The following KCNIP4 variants were observed in gnomAD, a reference collection of about 807,000 sequenced individuals.
The protein encoded by KCNIP4 is Kv channel-interacting protein 4.
A neutral mutation model predicts 34.0 loss-of-function variants in KCNIP4; 12 were observed. The observed-to-expected ratio is 0.35, with a 90% confidence interval of 0.23 to 0.57. KCNIP4 has a LOEUF of 0.57. Ranked by LOEUF, KCNIP4 falls within the 20% of genes least tolerant of loss-of-function variation. The pLI is 0.83. For missense variants in KCNIP4, 238 were observed against 311.7 expected (o/e 0.76, Z 1.78); for synonymous variants, 124 against 102.2 (o/e 1.21, Z -1.29).
intron 5 of KCNIP4, among the ~76,000 whole-genome samples, chr4:20,747,651 T>G (rs1209915298): frequency 6.6e-6 from 1 of 152,082 alleles, no homozygotes; most frequent in Non-Finnish European, 1.5e-5. Context: ...CCTTCTCCAC[T>G]CTCAGCTTTT....
At chr4:21,473,405 T>C (rs977754231) in intron 1 of KCNIP4, among the ~76,000 whole-genome samples, 6 of 152,164 alleles carry the variant, frequency 3.9e-5, no homozygotes, top group African/African-American at 1.4e-4. Flanking sequence ...CAGCATAGGC[T>C]TTGTCCTTGC....
At chr4:21,858,002 C>T (rs1462994140) in intron 1 of KCNIP4, among the ~76,000 whole-genome samples, 2 of 152,210 alleles carry the variant, frequency 1.3e-5, no homozygotes, top group East Asian at 3.9e-4. Flanking sequence ...CAGCAGCAGC[C>T]TCACAGGGAG....
At chr4:21,757,219 GAAAGAAAGAAAGAAAGAAAGAAAGAAA>G (rs1717680330) in intron 1 of KCNIP4, among the ~76,000 whole-genome samples, 4 of 21,714 alleles carry the variant, frequency 1.8e-4, no homozygotes, top group African/African-American at 1.4e-3. Flanking sequence ...AAGAAAGAAA[GAAAGAAAGAAAGAAAGAAAGAAAGAAA>G]GAAAAGAAAA....
intron 1 of KCNIP4, among the ~76,000 whole-genome samples, chr4:21,463,640 C>T (rs1473708540): frequency 1.3e-5 from 2 of 151,982 alleles, no homozygotes; most frequent in African/African-American, 2.4e-5. Flanking sequence ...TTTGTGTCTA[C>T]ATTTATAAGA....
intron 1 of KCNIP4, among the ~76,000 whole-genome samples, chr4:21,597,147 T>G (rs1013606387): frequency 3.9e-5 from 6 of 152,066 alleles, no homozygotes; most frequent in Non-Finnish European, 7.4e-5. Flanking sequence ...AATTCTCACA[T>G]GTTGTGGGAG....
chr4:20,990,980 C>T (rs978592742), intron 1 of KCNIP4, among the ~76,000 whole-genome samples: 1 of 152,190 alleles, frequency 6.6e-6, no homozygotes, highest in Non-Finnish European at 1.5e-5. Flanking sequence ...CATAAACTGT[C>T]TCATTGAGTT....
intron 3 of KCNIP4, among the ~76,000 whole-genome samples, chr4:20,801,177 G>A (rs1040415804): frequency 5.3e-5 from 8 of 151,666 alleles, no homozygotes; most frequent in Non-Finnish European, 8.8e-5. Context: ...TGTTATACCC[G>A]GCAGAGCTAT....
intron 3 of KCNIP4, among the ~76,000 whole-genome samples, chr4:20,805,400 G>A (rs1015447231): frequency 2.0e-5 from 3 of 151,674 alleles, no homozygotes; most frequent in African/African-American, 7.3e-5. Context: ...ATTTTGCCAA[G>A]CTTTGTAACT....
intron 1 of KCNIP4, among the ~76,000 whole-genome samples, chr4:21,261,762 A>G (rs1432236792): frequency 1.3e-5 from 2 of 151,936 alleles, no homozygotes; most frequent in Non-Finnish European, 2.9e-5. Flanking sequence ...ACCTCTTCCC[A>G]TCTTCATTAT....
At chr4:20,964,956 G>A (rs114390370) in intron 1 of KCNIP4, among the ~76,000 whole-genome samples, 1 of 151,844 alleles carries the variant, frequency 6.6e-6, no homozygotes, top group Non-Finnish European at 1.5e-5. Flanking sequence ...ACGGGTTCAG[G>A]AAGAGGGGTA....
At chr4:21,388,705 A>G (rs1304207344) in intron 1 of KCNIP4, among the ~76,000 whole-genome samples, 1 of 152,132 alleles carries the variant, frequency 6.6e-6, no homozygotes, top group Admixed American at 6.6e-5. Context: ...CAACCACTCT[A>G]GAGAATTGCC....
intron 1 of KCNIP4, among the ~76,000 whole-genome samples, chr4:21,370,463 A>G (rs957638164): frequency 1.4e-5 from 2 of 146,322 alleles, no homozygotes; most frequent in Non-Finnish European, 2.9e-5. Flanking sequence ...AAGTAAAATT[A>G]AAAACACATG....
At chr4:21,105,167 A>G (rs1340008479) in intron 1 of KCNIP4, among the ~76,000 whole-genome samples, 1 of 151,542 alleles carries the variant, frequency 6.6e-6, no homozygotes, top group Non-Finnish European at 1.5e-5. Context: ...ATGGCATTGA[A>G]TCTATAAATT....
At chr4:21,569,234 T>TAAAAAAAAAA (rs71191521) in intron 1 of KCNIP4, among the ~76,000 whole-genome samples, 520 of 25,182 alleles carry the variant, frequency 0.021, 98 homozygotes, top group Non-Finnish European at 0.022. Flanking sequence ...ACTGATATTC[T>TAAAAAAAAAA]AAAAAAAAAA....
At chr4:21,668,379 C>T (rs1271082488) in intron 1 of KCNIP4, among the ~76,000 whole-genome samples, 2 of 152,036 alleles carry the variant, frequency 1.3e-5, no homozygotes, top group Non-Finnish European at 2.9e-5. Context: ...TGTATTAAGG[C>T]ATAGATAAGA....
intron 1 of KCNIP4, among the ~76,000 whole-genome samples, chr4:21,151,803 C>T (rs896372253): frequency 2.0e-5 from 3 of 152,088 alleles, no homozygotes; most frequent in African/African-American, 7.2e-5. Context: ...CACCCTCTAG[C>T]CTTGTGCATA....
intron 1 of KCNIP4, among the ~76,000 whole-genome samples, chr4:21,738,221 C>T (rs531518745): frequency 2.6e-5 from 4 of 151,818 alleles, no homozygotes; most frequent in African/African-American, 9.7e-5. Flanking sequence ...TGTTTTTATT[C>T]CTCTTTATAT....
intron 1 of KCNIP4, among the ~76,000 whole-genome samples, chr4:21,830,229 C>T (rs1468169176): frequency 1.3e-5 from 2 of 151,978 alleles, no homozygotes; most frequent in Non-Finnish European, 2.9e-5. Context: ...AAGTCGAAAA[C>T]TGTAAAAAGA....
intron 1 of KCNIP4, among the ~76,000 whole-genome samples, chr4:21,561,270 C>T (rs867994014): frequency 3.3e-5 from 5 of 151,902 alleles, no homozygotes; most frequent in African/African-American, 1.2e-4. Flanking sequence ...AATGAAGTAT[C>T]TTTTTGCCAC....
Sources: allele counts gnomAD v4.1 joint callset (sites outside exome capture counted in the v4.1 genomes callset), GRCh38; gene constraint gnomAD v4.1.1; transcripts MANE v1.5; gene names NCBI Gene and HGNC (gene_info 2026-07-23, HGNC 2026-07-21).